The following USH2A variants were observed in gnomAD, a reference collection of about 807,000 sequenced individuals.
USH2A encodes usherin.
In USH2A, 443 loss-of-function variants were observed where a neutral mutation model predicts 538.9. The observed-to-expected ratio is 0.82, with a 90% CI of 0.76 to 0.89. USH2A has a LOEUF of 0.89. USH2A is among the 40% of genes least tolerant of loss of function. The probability of loss-of-function intolerance (pLI) is 0.00; values close to 1 mark genes in which losing one functional copy is unlikely to be tolerated. For missense variants in USH2A, 6,633 were observed against 6,324.8 expected (o/e 1.05, Z -1.65); for synonymous variants, 2,413 against 2,273.5 (o/e 1.06, Z -1.75).
intron 4 of USH2A, 108 bp downstream of exon 4, chr1:216,364,845 C>A: frequency 7.1e-7 from 1 of 1,409,628 alleles, no homozygotes; most frequent in Non-Finnish European, 9.8e-7. Flanking sequence ...GTTCAGTAGC[C>A]CTAGAAGATG....
intron 38 of USH2A, among the ~76,000 whole-genome samples, chr1:215,910,723 T>C (rs1335178899): frequency 5.3e-5 from 8 of 151,930 alleles, no homozygotes; most frequent in African/African-American, 1.9e-4. Context: ...TTCTTAAGTA[T>C]CACTAAGTCA....
chr1:215,675,980 G>C (rs970840751), intron 62 of USH2A, among the ~76,000 whole-genome samples: 1 of 151,922 alleles, frequency 6.6e-6, no homozygotes, highest in Admixed American at 6.6e-5. Flanking sequence ...CTGTTTTATG[G>C]ATATGAACTG....
In USH2A at chr1:215,747,870, T is replaced by TTTTG. The variant is rs1223840838; in HGVS notation, c.11390-4539_11390-4536dup. On this transcript the variant is annotated intron_variant, in intron 58 of 71. Transcript: ENST00000307340. ...TTGAAGCCACAGGTTTTTTGTTTTT[T>TTTTG]TTTGTTTGTTTGTTTGTTTGGTTTT... 1.1e-3 allele frequency among the ~76,000 whole-genome samples: 152 copies of TTTTG among 139,514 alleles called. 1 individual carries two copies. Among genetic ancestry groups the TTTTG allele is most frequent in the African/African-American group, 3.8e-3 (147 of 38,602 alleles). The allele number at this position is 139,514 out of a possible 152,430, so 91.5% of individuals were successfully genotyped here. A position where few individuals can be genotyped will look rare whatever the true frequency, so the allele number is the denominator to read the frequency against.
At chr1:216,144,583 A>T (rs1053820203) in intron 21 of USH2A, among the ~76,000 whole-genome samples, 8 of 152,206 alleles carry the variant, frequency 5.3e-5, no homozygotes, top group African/African-American at 1.9e-4. Flanking sequence ...TATAAAATAC[A>T]TTTTGAAAAT....
At chr1:215,802,182 G>A (rs1662355962) in intron 49 of USH2A, among the ~76,000 whole-genome samples, 1 of 151,930 alleles carries the variant, frequency 6.6e-6, no homozygotes, top group African/African-American at 2.4e-5. Context: ...CGAAAGCAAA[G>A]GGGAAATTTC....
chr1:215,647,768 A>G (rs1445702487), intron 66 of USH2A, 38 bp from the exon 67 acceptor site: 1 of 1,607,030 alleles, frequency 6.2e-7, no homozygotes, highest in Non-Finnish European at 8.5e-7. Flanking sequence ...AAGACGGGTA[A>G]TGGAATTAGT....
At chr1:216,015,020 T>C (rs1668672184) in intron 32 of USH2A, among the ~76,000 whole-genome samples, 1 of 152,188 alleles carries the variant, frequency 6.6e-6, no homozygotes, top group Non-Finnish European at 1.5e-5. Flanking sequence ...CTAATACATA[T>C]TGTCTGGGTC....
At position 215,993,039 on chromosome 1, in the gene USH2A, A is replaced by G. The variant is rs774687747; in HGVS notation, c.6786T>C (p.Thr2262=). The G allele has an allele frequency of 3.1e-6, 5 of 1,614,036 alleles. No individual in the cohort carries two copies. Among genetic ancestry groups the G allele is most frequent in the Non-Finnish European group, 4.2e-6 (5 of 1,179,978 alleles). Reference sequence around the variant, plus strand: ...ACTTACCATTCGGATATTCAGGCTCAGTCCAGGAGACATTAAAGGAGTCAG... The same window carrying G: ...ACTTACCATTCGGATATTCAGGCTCGGTCCAGGAGACATTAAAGGAGTCAG... The part of the protein sequence containing the change: ...YSPDSFNVSW[T]EPEYPNGVIT... The change falls in exon 35 of 72, where the codon ACT becomes ACC. Residue 2262 remains threonine, a synonymous_variant. Coordinates refer to ENST00000307340, the MANE Select transcript of USH2A (RefSeq NM_206933.4).
intron 9 of USH2A, among the ~76,000 whole-genome samples, chr1:216,314,124 A>G (rs2037468066): frequency 6.6e-6 from 1 of 152,024 alleles, no homozygotes. Context: ...ATCCCTTCAA[A>G]TATTATCTTT....
chr1:216,208,744 AC>A lies in USH2A; in HGVS notation c.3158-1314del, dbSNP rs1288139221. 2.0e-5 allele frequency among the ~76,000 whole-genome samples: 3 copies of A among 152,326 alleles called. No homozygotes were observed. The East Asian group carries it at 5.8e-4, about 29-fold the overall frequency. ...CAGTGAAATGTTACAGAATTCATCA[AC>A]AAAGGGAAAAGGCATATCAATGAAG... On this transcript the variant is annotated intron_variant, in intron 15 of 71. Transcript: ENST00000307340.
intron 21 of USH2A, among the ~76,000 whole-genome samples, chr1:216,125,008 C>T (rs1312083228): frequency 6.6e-6 from 1 of 152,124 alleles, no homozygotes; most frequent in Non-Finnish European, 1.5e-5. Context: ...AAATATATTA[C>T]ACATTTCCTT....
intron 11 of USH2A, among the ~76,000 whole-genome samples, chr1:216,253,981 C>G (rs901262092): frequency 6.6e-6 from 1 of 152,166 alleles, no homozygotes; most frequent in African/African-American, 2.4e-5. Context: ...ATACACCTGA[C>G]TTTACATGGT....
At chr1:216,242,296 C>T (rs1572084159) in intron 13 of USH2A, among the ~76,000 whole-genome samples, 2 of 150,942 alleles carry the variant, frequency 1.3e-5, no homozygotes, top group South Asian at 2.1e-4. Flanking sequence ...GGCAGTGAGC[C>T]GAGACTGCGC....
chr1:216,187,976 T>C (rs1445413741), intron 20 of USH2A, among the ~76,000 whole-genome samples: 1 of 152,024 alleles, frequency 6.6e-6, no homozygotes, highest in African/African-American at 2.4e-5. Flanking sequence ...CTCTTATTTT[T>C]GTAAGTCAAC....
chr1:215,779,788 CT>C (rs1661568481), intron 55 of USH2A, 54 bp downstream of exon 55: 3 of 1,602,130 alleles, frequency 1.9e-6, no homozygotes, highest in African/African-American at 2.7e-5. Flanking sequence ...CTTTGCCCCC[CT>C]AACCACAATG....
rs1553299022 is a variant in USH2A, at chr1:216,078,106, TGTTGATAAGA to T, written c.5545_5554del (p.Ser1849IlefsTer12). On this transcript the variant is annotated frameshift_variant, in exon 27 of 72. Coordinates refer to ENST00000307340, the MANE Select transcript of USH2A (RefSeq NM_206933.4). LOFTEE classifies it high-confidence loss of function. ...GAACTTACCTTGTTCCAAACACAAA[TGTTGATAAGA>T]GTTCAGCAGTTCCTGTGGGATTCCT... 1 of 1,613,508 alleles carries T rather than the reference TGTTGATAAGA, an allele frequency of 6.2e-7. No homozygotes were observed. Among genetic ancestry groups the T allele is most frequent in the African/African-American group, 1.3e-5 (1 of 74,886 alleles).
At chr1:216,185,211 C>T (rs191396746) in intron 20 of USH2A, among the ~76,000 whole-genome samples, 162 of 152,014 alleles carry the variant, frequency 1.1e-3, no homozygotes, top group Non-Finnish European at 1.8e-3. Context: ...GCAGCTGCTC[C>T]TGAGAGAACA....
intron 60 of USH2A, among the ~76,000 whole-genome samples, chr1:215,732,572 T>TTTTTTTTG (rs1660032298): frequency 9.5e-6 from 1 of 105,790 alleles, no homozygotes; most frequent in Non-Finnish European, 2.1e-5. Context: ...TTTTTTTTTT[T>TTTTTTTTG]GCTCTGTTGC....
chr1:215,637,073 C>T (rs1656517766), intron 69 of USH2A, among the ~76,000 whole-genome samples: 1 of 152,074 alleles, frequency 6.6e-6, no homozygotes, highest in African/African-American at 2.4e-5. Flanking sequence ...GGTTCACTGT[C>T]AGGGTTTGAA....
Sources: allele counts gnomAD v4.1 joint callset (sites outside exome capture counted in the v4.1 genomes callset), GRCh38; gene constraint gnomAD v4.1.1; transcripts MANE v1.5; gene names NCBI Gene and HGNC (gene_info 2026-07-23, HGNC 2026-07-21).